SCUBE2: variants seen among roughly 807,000 people sequenced by gnomAD.
The protein encoded by SCUBE2 is signal peptide, CUB and EGF-like domain-containing protein 2.
A neutral mutation model predicts 125.9 loss-of-function variants in SCUBE2; 114 were observed. The observed-to-expected ratio is 0.91, with a 90% CI of 0.78 to 1.06. SCUBE2 has a LOEUF of 1.06. Among genes scored for constraint, SCUBE2 ranks in the 50% least tolerant of loss-of-function variants. The probability of loss-of-function intolerance (pLI) is 0.00; values close to 1 mark genes in which losing one functional copy is unlikely to be tolerated. For missense variants in SCUBE2, 1,255 were observed against 1,301.8 expected, an observed-to-expected ratio of 0.96 and a Z score of 0.55; for synonymous variants, 459 against 492.9, an observed-to-expected ratio of 0.93 and a Z score of 0.91.
intron 5 of SCUBE2, among the ~76,000 whole-genome samples, chr11:9,068,919 C>A (rs935320776): frequency 6.6e-6 from 1 of 152,174 alleles, no homozygotes; most frequent in Admixed American, 6.5e-5. Context: ...GAGTCCACCA[C>A]GCCAGGAAGG....
At chr11:9,058,729 C>T (rs537029414) in intron 9 of SCUBE2, among the ~76,000 whole-genome samples, 7 of 151,200 alleles carry the variant, frequency 4.6e-5, no homozygotes, top group Middle Eastern at 6.8e-3. Flanking sequence ...GCGGAGGTTG[C>T]AGTGAACCAA....
chr11:9,053,294 C>T (rs889121698), intron 11 of SCUBE2, 79 bp from the exon 12 acceptor site: 1 of 1,156,244 alleles, frequency 8.6e-7, no homozygotes, highest in Non-Finnish European at 1.3e-6. Flanking sequence ...TCCCATGCAC[C>T]AAAGGCCCCA....
At chr11:9,046,874 C>T (rs1267502276) in intron 16 of SCUBE2, among the ~76,000 whole-genome samples, 1 of 152,188 alleles carries the variant, frequency 6.6e-6, no homozygotes, top group Non-Finnish European at 1.5e-5. Flanking sequence ...TTCTCTGGAA[C>T]AAGTGCCCCT....
intron 21 of SCUBE2, chr11:9,022,521 T>TCA (rs1855394178): frequency 2.0e-5 from 3 of 153,536 alleles, no homozygotes; most frequent in Non-Finnish European, 4.4e-5. Context: ...TTGGCCCCCA[T>TCA]CACTCCTCCA....
intron 4 of SCUBE2, among the ~76,000 whole-genome samples, chr11:9,070,455 A>C (rs1462633186): frequency 1.3e-5 from 2 of 152,230 alleles, no homozygotes; most frequent in Non-Finnish European, 2.9e-5. Context: ...TACTTTCAAG[A>C]CATCTGCTCA....
rs764823769 is a variant in SCUBE2 at position 9,030,943 on chromosome 11, C to G, written c.2174-18G>C. 9 of 1,605,716 alleles carry G rather than the reference C, an allele frequency of 5.6e-6. No homozygotes were observed. The highest frequency in any genetic ancestry group is 7.7e-6 in the Non-Finnish European group (9 of 1,174,852). ...ACACAGACCTGGAAGGACCAATAGC[C>G]TTACGTGAGCAAGGCCTCCAGGCAG... On this transcript the variant is annotated intron_variant, in intron 17 of 22. Coordinates refer to ENST00000649792, the MANE Select transcript of SCUBE2 (RefSeq NM_001367977.2).
At chr11:9,079,602 C>G in intron 2 of SCUBE2, 93 bp from the exon 3 acceptor site, 2 of 1,340,126 alleles carry the variant, frequency 1.5e-6, no homozygotes, top group Non-Finnish European at 2.1e-6. Context: ...TTCTAGGAAT[C>G]TACCTGAAAA....
At chr11:9,051,024 A>AT (rs1364554966) in intron 13 of SCUBE2, among the ~76,000 whole-genome samples, 3 of 152,136 alleles carry the variant, frequency 2.0e-5, no homozygotes, top group Non-Finnish European at 4.4e-5. Flanking sequence ...TTAGCCGGGC[A>AT]TGGTGGCACA....
At chr11:9,058,693 CAGG>C (rs1194182114) in intron 9 of SCUBE2, among the ~76,000 whole-genome samples, 2 of 146,598 alleles carry the variant, frequency 1.4e-5, no homozygotes, top group Non-Finnish European at 3.0e-5. Flanking sequence ...GAGGCTGAGG[CAGG>C]AGAATTGCTA....
chr11:9,084,196 A>G (rs1411119299), intron 2 of SCUBE2, among the ~76,000 whole-genome samples: 2 of 152,220 alleles, frequency 1.3e-5, no homozygotes, highest in Non-Finnish European at 2.9e-5. Context: ...ATGACACAGG[A>G]GACAATGTGT....
At chr11:9,068,239 G>C (rs73410050) in intron 5 of SCUBE2, among the ~76,000 whole-genome samples, 6,204 of 152,230 alleles carry the variant, frequency 0.041, 437 homozygotes, top group African/African-American at 0.14. Context: ...CTTTGGGAAG[G>C]TTCCTAAAGG....
chr11:9,035,399 T>G (rs1856672129), intron 16 of SCUBE2, among the ~76,000 whole-genome samples: 1 of 152,186 alleles, frequency 6.6e-6, no homozygotes, highest in Non-Finnish European at 1.5e-5. Context: ...TCAAGAGCTT[T>G]GAGTTTAAAA....
rs376369922 is a variant in SCUBE2 at position 9,021,907 on chromosome 11, T to C, written c.2903A>G (p.Tyr968Cys). Residue 968 changes from tyrosine (Y) to cysteine (C), a missense_variant, in exon 22 of 23, where the codon TAT becomes TGT. Physicochemically the swap from Tyr to Cys is radical, Grantham distance 194 (BLOSUM62 -2). This residue lies in a region of SCUBE2 where 515 missense variants were observed against 515.7 expected (regional missense o/e 1.00). Coordinates refer to ENST00000649792, the MANE Select transcript of SCUBE2 (RefSeq NM_001367977.2). ...TATTTCCTGATGGTTCTCAGATGCA[T>C]AGAGCCTGCCATCTCGAACTATGTC... ...IEDIVRDGRLYASENHQEILK... is the reference protein window; with the variant it reads ...IEDIVRDGRLCASENHQEILK... 8.7e-6 allele frequency: 14 copies of C among 1,613,890 alleles called. No homozygotes were observed. The highest frequency in any genetic ancestry group is 1.7e-4 in the Middle Eastern group (1 of 6,060).
intron 19 of SCUBE2, 142 bp downstream of exon 19, chr11:9,029,742 T>C: frequency 1.2e-6 from 1 of 867,330 alleles, no homozygotes; most frequent in Non-Finnish European, 1.9e-6. Context: ...CATGCTGGTC[T>C]GCATGGCTGT....
intron 2 of SCUBE2, among the ~76,000 whole-genome samples, chr11:9,084,902 AT>A (rs558643274): frequency 6.6e-6 from 1 of 152,116 alleles, no homozygotes; most frequent in Non-Finnish European, 1.5e-5. Flanking sequence ...CACACCAGCA[AT>A]TTTTTGTTTT....
chr11:9,077,827 C>T (rs1441915445), intron 3 of SCUBE2, among the ~76,000 whole-genome samples: 2 of 152,240 alleles, frequency 1.3e-5, no homozygotes, highest in African/African-American at 4.8e-5. Flanking sequence ...ATACTCTGTG[C>T]TGATAATATC....
At chr11:9,025,572 C>G in intron 21 of SCUBE2, 130 bp downstream of exon 21, 1 of 1,134,772 alleles carries the variant, frequency 8.8e-7, no homozygotes, top group Non-Finnish European at 1.2e-6. Flanking sequence ...TGTGAGTCAG[C>G]AATGTCTTTT....
At chr11:9,071,667 A>G (rs984459133) in intron 4 of SCUBE2, among the ~76,000 whole-genome samples, 1 of 152,166 alleles carries the variant, frequency 6.6e-6, no homozygotes, top group Admixed American at 6.5e-5. Flanking sequence ...ATTCTGGTGC[A>G]CCCCAAGATC....
intron 16 of SCUBE2, among the ~76,000 whole-genome samples, chr11:9,034,456 G>A (rs549144758): frequency 3.3e-5 from 5 of 152,286 alleles, no homozygotes; most frequent in South Asian, 2.1e-4. Flanking sequence ...GGTGGTGTGC[G>A]TCTGTAGTCC....
Sources: allele counts gnomAD v4.1 joint callset (sites outside exome capture counted in the v4.1 genomes callset), GRCh38; gene constraint gnomAD v4.1.1; regional missense constraint gnomAD v4.1.1; transcripts MANE v1.5; gene names NCBI Gene and HGNC (gene_info 2026-07-23, HGNC 2026-07-21).